SLC24A2: variants seen among roughly 807,000 people sequenced by gnomAD.
The protein encoded by SLC24A2 is sodium/potassium/calcium exchanger 2.
Under a neutral mutation model 62.0 loss-of-function variants are expected in SLC24A2, and 36 were observed. That is an observed-to-expected ratio of 0.58 (90% confidence interval 0.44 to 0.77). The LOEUF (loss-of-function observed/expected upper bound fraction) is 0.77, where lower values mean the gene tolerates loss of function less well. Among genes scored for constraint, SLC24A2 ranks in the 30% least tolerant of loss-of-function variants. The pLI is 0.00. For missense variants in SLC24A2, 846 were observed against 817.9 expected (o/e 1.03, Z -0.42); for synonymous variants, 358 against 294.0 (o/e 1.22, Z -2.23).
At chr9:20,259,209 C>G in the SLC24A2 span, among the ~76,000 whole-genome samples, 1 of 152,186 alleles carries the variant, frequency 6.6e-6, no homozygotes, top group East Asian at 1.9e-4. Flanking sequence ...CTGCTGATAC[C>G]TTGATTTTAG....
chr9:19,768,589 G>A (rs952725801), intron 2 of SLC24A2, among the ~76,000 whole-genome samples: 7 of 152,144 alleles, frequency 4.6e-5, no homozygotes, highest in African/African-American at 9.7e-5. Flanking sequence ...CATCTACAGC[G>A]TGGATACCCT....
the SLC24A2 span, among the ~76,000 whole-genome samples, chr9:20,188,666 TAAGTTGGGGAAATGACA>T: frequency 6.6e-6 from 1 of 152,068 alleles, no homozygotes; most frequent in Non-Finnish European, 1.5e-5. Flanking sequence ...CAGAGTCAGG[TAAGTTGGGGAAATGACA>T]ACAGAAGCAG....
chr9:19,772,736 A>G (rs998291422), intron 2 of SLC24A2, among the ~76,000 whole-genome samples: 1 of 152,200 alleles, frequency 6.6e-6, no homozygotes, highest in Non-Finnish European at 1.5e-5. Flanking sequence ...CGGAACTCTC[A>G]TACACACAGG....
intron 4 of SLC24A2, among the ~76,000 whole-genome samples, chr9:19,613,326 C>T (rs1587037800): frequency 6.6e-6 from 1 of 152,258 alleles, no homozygotes; most frequent in East Asian, 1.9e-4. Context: ...ACACAACCTG[C>T]CAGTTCCTGT....
At chr9:20,077,487 C>T in the SLC24A2 span, among the ~76,000 whole-genome samples, 1 of 152,100 alleles carries the variant, frequency 6.6e-6, no homozygotes, top group African/African-American at 2.4e-5. Flanking sequence ...CAGTTGTGTT[C>T]TACCTCACAG....
At chr9:19,564,530 A>C (rs536407577) in intron 7 of SLC24A2, among the ~76,000 whole-genome samples, 6 of 109,370 alleles carry the variant, frequency 5.5e-5, no homozygotes, top group Admixed American at 1.1e-4. Context: ...CTACCTACCT[A>C]TCTCTCTCTG....
At chr9:19,859,323 C>A in the SLC24A2 span, among the ~76,000 whole-genome samples, 263 of 152,086 alleles carry the variant, frequency 1.7e-3, 2 homozygotes, top group South Asian at 5.8e-3. Context: ...AAGAGGGGAA[C>A]AATAGACACT....
chr9:19,708,515 G>C (rs1348154528), intron 2 of SLC24A2, among the ~76,000 whole-genome samples: 3 of 152,172 alleles, frequency 2.0e-5, no homozygotes, highest in African/African-American at 4.8e-5. Flanking sequence ...ATACTGCAAG[G>C]CTACAGTAAC....
At chr9:20,207,094 C>T in the SLC24A2 span, among the ~76,000 whole-genome samples, 1 of 152,180 alleles carries the variant, frequency 6.6e-6, no homozygotes, top group Non-Finnish European at 1.5e-5. Context: ...TACTGAGTAA[C>T]ATTCACTGAA....
chr9:19,662,879 C>T (rs972951668), intron 2 of SLC24A2, among the ~76,000 whole-genome samples: 2 of 152,126 alleles, frequency 1.3e-5, no homozygotes, highest in South Asian at 2.1e-4. Flanking sequence ...TGTGTGTGCA[C>T]GTGTGTGTAT....
chr9:19,682,251 T>G (rs2118400200), intron 2 of SLC24A2, among the ~76,000 whole-genome samples: 1 of 152,282 alleles, frequency 6.6e-6, no homozygotes, highest in East Asian at 1.9e-4. Flanking sequence ...TCTCAATGTC[T>G]AAGGCAGCAC....
chr9:20,187,684 G>A, the SLC24A2 span, among the ~76,000 whole-genome samples: 1 of 152,184 alleles, frequency 6.6e-6, no homozygotes, highest in Admixed American at 6.5e-5. Flanking sequence ...TCCTCTAGGA[G>A]TCATTCCCTC....
At chr9:19,988,492 C>G in the SLC24A2 span, among the ~76,000 whole-genome samples, 1 of 152,200 alleles carries the variant, frequency 6.6e-6, no homozygotes, top group Admixed American at 6.5e-5. Flanking sequence ...GAAGTTTCGA[C>G]TGGCACAATC....
chr9:19,986,465 C>A, the SLC24A2 span, among the ~76,000 whole-genome samples: 1 of 152,052 alleles, frequency 6.6e-6, no homozygotes, highest in Non-Finnish European at 1.5e-5. Context: ...TGCAAGCAAG[C>A]ACTTAGCAAA....
chr9:19,988,129 G>T, the SLC24A2 span, among the ~76,000 whole-genome samples: 4 of 152,090 alleles, frequency 2.6e-5, no homozygotes, highest in Non-Finnish European at 5.9e-5. Flanking sequence ...GGAATTTAGG[G>T]TTTTTTTCCT....
chr9:19,787,556 T>C (rs1157276912), intron 1 of SLC24A2, among the ~76,000 whole-genome samples: 2 of 152,218 alleles, frequency 1.3e-5, no homozygotes, highest in Non-Finnish European at 2.9e-5. Flanking sequence ...TTTAATTTAG[T>C]GATCTTTTTT....
At chr9:19,704,421 G>C (rs1418485357) in intron 2 of SLC24A2, among the ~76,000 whole-genome samples, 1 of 152,132 alleles carries the variant, frequency 6.6e-6, no homozygotes, top group Non-Finnish European at 1.5e-5. Context: ...GTATGTGCAA[G>C]ACAGACAGAT....
chr9:20,053,914 A>G, the SLC24A2 span, among the ~76,000 whole-genome samples: 1 of 152,086 alleles, frequency 6.6e-6, no homozygotes, highest in African/African-American at 2.4e-5. Context: ...CCAATTCCCC[A>G]TTGTATCAAT....
chr9:20,024,222 C>A, the SLC24A2 span, among the ~76,000 whole-genome samples: 1 of 152,260 alleles, frequency 6.6e-6, no homozygotes, highest in East Asian at 1.9e-4. Flanking sequence ...CGGAACTGTG[C>A]CGTCTGGATT....
Sources: allele counts gnomAD v4.1 joint callset (sites outside exome capture counted in the v4.1 genomes callset), GRCh38; gene constraint gnomAD v4.1.1; transcripts MANE v1.5; gene names NCBI Gene and HGNC (gene_info 2026-07-23, HGNC 2026-07-21).